ARSB: variants seen among roughly 807,000 people sequenced by gnomAD.
ARSB encodes arylsulfatase B, also known as N-acetylgalactosamine-4-sulfatase.
ARSB carries 41 observed loss-of-function variants against 50.9 expected under a neutral mutation model. That is an observed-to-expected ratio of 0.81 (90% CI 0.63 to 1.04). ARSB has a LOEUF of 1.04. Among genes scored for constraint, ARSB ranks in the 50% least tolerant of loss-of-function variants. The probability of loss-of-function intolerance (pLI) is 0.00; values close to 1 mark genes in which losing one functional copy is unlikely to be tolerated. For missense variants in ARSB, 672 were observed against 693.3 expected (o/e 0.97, Z 0.35); for synonymous variants, 269 against 284.8 (o/e 0.94, Z 0.56).
Position 78,814,609 on chromosome 5 carries a change from A to G in ARSB, c.1213+24747T>C, listed in dbSNP as rs188884712. ...TTCCCACCTAATATGTCACTGGTTC[A>G]TCATTTTCTCTGTTACTCACTTGCT... On this transcript the variant is annotated intron_variant, in intron 6 of 7. Coordinates refer to ENST00000264914, the MANE Select transcript of ARSB (RefSeq NM_000046.5). 1.9e-4 allele frequency among the ~76,000 whole-genome samples: 29 copies of G among 150,802 alleles called. 1 individual carries two copies. Among genetic ancestry groups the G allele is most frequent in the Non-Finnish European group, 3.4e-4 (23 of 67,712 alleles).
rs1192131330 is a variant in ARSB, at chr5:78,806,855, T to C, written c.1214-24881A>G. Reference sequence around the variant, plus strand: ...TGGACAGGAAGCTAGACAAGACGGTTACCTCAAATGGGCAGACATCCCCAA... The same window carrying C: ...TGGACAGGAAGCTAGACAAGACGGTCACCTCAAATGGGCAGACATCCCCAA... On this transcript the variant is annotated intron_variant, in intron 6 of 7. Coordinates refer to ENST00000264914, the MANE Select transcript of ARSB (RefSeq NM_000046.5). Among the ~76,000 whole-genome samples, 4 of 152,322 alleles carry C rather than the reference T, an allele frequency of 2.6e-5. No homozygotes were observed. In the East Asian group the frequency reaches 7.7e-4, roughly 29 times the overall value.
chr5:78,871,242 A>G (rs1747153465), intron 5 of ARSB, among the ~76,000 whole-genome samples: 2 of 152,116 alleles, frequency 1.3e-5, no homozygotes, highest in South Asian at 4.2e-4. Context: ...CATACTGCCC[A>G]AGGTAATTTA....
At chr5:78,864,281 C>T (rs1050968860) in intron 5 of ARSB, among the ~76,000 whole-genome samples, 5 of 152,090 alleles carry the variant, frequency 3.3e-5, no homozygotes, top group Admixed American at 2.6e-4. Context: ...ACATGGCTGG[C>T]GAAGCCTCAC....
At chr5:78,859,293 A>G (rs1020405743) in intron 5 of ARSB, among the ~76,000 whole-genome samples, 2 of 152,212 alleles carry the variant, frequency 1.3e-5, no homozygotes, top group East Asian at 3.9e-4. Context: ...GATATTTTTC[A>G]TATAGATTGT....
Position 78,859,805 on chromosome 5 carries a change from C to G in ARSB, c.1143-20379G>C, listed in dbSNP as rs149583104. On this transcript the variant is annotated intron_variant, in intron 5 of 7. Transcript: ENST00000264914. ...CTCACCCCGAATGCTGGCTGCTTTC[C>G]TCTCTATGTCCACCCCCACAGCAAG... Among the ~76,000 whole-genome samples the G allele has an allele frequency of 2.1e-3, 315 of 152,106 alleles. 1 individual carries two copies. The East Asian group carries it at 0.026, about 12-fold the overall frequency.
chr5:78,852,272 CA>C (rs966329146), intron 5 of ARSB, among the ~76,000 whole-genome samples: 1 of 152,152 alleles, frequency 6.6e-6, no homozygotes, highest in Admixed American at 6.5e-5. Context: ...AATCTCTCAG[CA>C]TTTGCTTGTC....
intron 4 of ARSB, among the ~76,000 whole-genome samples, chr5:78,907,204 G>A (rs1264474861): frequency 6.6e-6 from 1 of 152,234 alleles, no homozygotes; most frequent in Non-Finnish European, 1.5e-5. Flanking sequence ...CTTTCCATCA[G>A]AGGGCAAGGG....
intron 1 of ARSB, among the ~76,000 whole-genome samples, chr5:78,973,293 C>A (rs556726876): frequency 6.6e-6 from 1 of 152,296 alleles, no homozygotes; most frequent in East Asian, 1.9e-4. Context: ...GGGGTTACTT[C>A]CCTATCTACC....
At chr5:78,808,967 T>C (rs188102364) in intron 6 of ARSB, among the ~76,000 whole-genome samples, 30 of 152,354 alleles carry the variant, frequency 2.0e-4, no homozygotes, top group Admixed American at 1.5e-3. Flanking sequence ...TAGTCAGAGC[T>C]AAGATGTTAA....
intron 4 of ARSB, among the ~76,000 whole-genome samples, chr5:78,902,206 C>A (rs1448137558): frequency 6.6e-6 from 1 of 152,210 alleles, no homozygotes; most frequent in Non-Finnish European, 1.5e-5. Flanking sequence ...ATGTAATGAA[C>A]CCATTCCTGT....
intron 6 of ARSB, among the ~76,000 whole-genome samples, chr5:78,805,733 A>G (rs1743533563): frequency 6.6e-6 from 1 of 152,258 alleles, no homozygotes; most frequent in Non-Finnish European, 1.5e-5. Flanking sequence ...CAATGGAAGC[A>G]AATTTAAAAT....
chr5:78,862,144 T>C (rs1746468926), intron 5 of ARSB, among the ~76,000 whole-genome samples: 1 of 152,194 alleles, frequency 6.6e-6, no homozygotes, highest in African/African-American at 2.4e-5. Context: ...GAACATTCCA[T>C]GCTCATGGAT....
At chr5:78,834,180 C>T (rs1274899764) in intron 6 of ARSB, among the ~76,000 whole-genome samples, 1 of 152,024 alleles carries the variant, frequency 6.6e-6, no homozygotes. Flanking sequence ...AAGATAGAGA[C>T]CCTATTCTCA....
At chr5:78,792,964 C>T (rs1474717951) in intron 6 of ARSB, among the ~76,000 whole-genome samples, 8 of 152,090 alleles carry the variant, frequency 5.3e-5, no homozygotes, top group Admixed American at 5.2e-4. Context: ...TGGTATGCCA[C>T]ACTACAGGTC....
intron 5 of ARSB, among the ~76,000 whole-genome samples, chr5:78,866,640 G>C (rs968474142): frequency 1.3e-5 from 2 of 152,210 alleles, no homozygotes; most frequent in African/African-American, 2.4e-5. Context: ...TGTGCAGGAC[G>C]AGAGTGGCTG....
chr5:78,797,386 A>C (rs1743225448), intron 6 of ARSB, among the ~76,000 whole-genome samples: 1 of 152,184 alleles, frequency 6.6e-6, no homozygotes, highest in Non-Finnish European at 1.5e-5. Flanking sequence ...CCAGAATCTT[A>C]TCTCTAACCC....
At chr5:78,886,763 A>C (rs754017562) in intron 4 of ARSB, among the ~76,000 whole-genome samples, 2 of 150,494 alleles carry the variant, frequency 1.3e-5, no homozygotes, top group Non-Finnish European at 2.9e-5. Context: ...TTTTGCATTA[A>C]ACTTTAAAAA....
chr5:78,916,525 C>G (rs1749550797), intron 4 of ARSB, among the ~76,000 whole-genome samples: 1 of 152,208 alleles, frequency 6.6e-6, no homozygotes, highest in Non-Finnish European at 1.5e-5. Flanking sequence ...CCTCTGTTTC[C>G]TTCCCATCCC....
chr5:78,857,671 C>G (rs542296125), intron 5 of ARSB, among the ~76,000 whole-genome samples: 1 of 152,230 alleles, frequency 6.6e-6, no homozygotes, highest in Middle Eastern at 3.4e-3. Context: ...TCAAGGATTG[C>G]CACCGTACAA....
Sources: allele counts gnomAD v4.1 joint callset (sites outside exome capture counted in the v4.1 genomes callset), GRCh38; gene constraint gnomAD v4.1.1; transcripts MANE v1.5; gene names NCBI Gene and HGNC (gene_info 2026-07-23, HGNC 2026-07-21).